Variants in TOP1MT observed in about 807,000 individuals in gnomAD.
TOP1MT encodes DNA topoisomerase I, mitochondrial.
In TOP1MT, 80 loss-of-function variants were observed where a neutral mutation model predicts 73.9. The observed-to-expected ratio is 1.08, with a 90% CI of 0.90 to 1.30. TOP1MT has a LOEUF of 1.30. Among genes scored for constraint, TOP1MT ranks in the 50% most tolerant of loss-of-function variants. TOP1MT has a pLI of 0.00. For synonymous variants in TOP1MT, 338 were observed against 326.4 expected (o/e 1.04, Z -0.38); for missense variants, 815 against 808.0 (o/e 1.01, Z -0.10).
chr8:143,343,597 C>T, intron 1 of TOP1MT: 1 of 248,484 alleles, frequency 4.0e-6, no homozygotes, highest in Non-Finnish European at 8.1e-6. Context: ...TCCCAGGTCC[C>T]CTCTGGGACC....
chr8:143,352,974 T>A (rs993038599), intron 1 of TOP1MT, among the ~76,000 whole-genome samples: 2 of 152,100 alleles, frequency 1.3e-5, no homozygotes, highest in Middle Eastern at 3.4e-3. Context: ...TAAATTGAAC[T>A]CAGGTAAAAG....
chr8:143,330,713 T>A (rs1272511657), intron 2 of TOP1MT, among the ~76,000 whole-genome samples: 3 of 152,048 alleles, frequency 2.0e-5, no homozygotes. Context: ...TCCTGGGCCC[T>A]GGGGTAGAGA....
At chr8:143,313,178 T>C (rs1044477215) in intron 12 of TOP1MT, among the ~76,000 whole-genome samples, 4 of 152,240 alleles carry the variant, frequency 2.6e-5, no homozygotes, top group African/African-American at 9.6e-5. Flanking sequence ...TCTATCTTCA[T>C]GGCCTTGGGT....
In TOP1MT at chr8:143,321,810, TAC is replaced by T. The variant is rs1213693512; in HGVS notation, c.961-426_961-425del. 1.1e-3 allele frequency among the ~76,000 whole-genome samples: 7 copies of T among 6,562 alleles called. 1 individual carries two copies. Among genetic ancestry groups the T allele is most frequent in the East Asian group, 9.3e-3 (1 of 108 alleles). 4.3% of individuals were successfully genotyped at this position (6,562 alleles called of 152,430 possible). ...ACACACGCACGCCACACACGCACGC[TAC>T]ACACACACGCACGCTACACACACAC... On this transcript the variant is annotated intron_variant, in intron 7 of 13. Coordinates refer to ENST00000329245, the MANE Select transcript of TOP1MT (RefSeq NM_052963.3).
At chr8:143,327,637 T>C in intron 3 of TOP1MT, 1 of 276,438 alleles carries the variant, frequency 3.6e-6, no homozygotes, top group South Asian at 3.2e-5. Context: ...TGCTGCTTTG[T>C]GACACTGCCT....
rs572307615 is a variant in TOP1MT at position 143,316,916 on chromosome 8, G to A, written c.1331-790C>T. ...TTCTGCCTCCCTCAGTGGAGGGGGC[G>A]TCTCCTCTCCTGGGGCTCTCACCTG... On this transcript the variant is annotated intron_variant, in intron 10 of 13. Coordinates refer to ENST00000329245, the MANE Select transcript of TOP1MT (RefSeq NM_052963.3). 2.1e-4 allele frequency among the ~76,000 whole-genome samples: 32 copies of A among 152,328 alleles called. No homozygotes were observed. In the East Asian group the frequency reaches 3.9e-3, roughly 18 times the overall value.
At chr8:143,342,328 C>CTGGAGTGCAG (rs1817115590) in intron 2 of TOP1MT, among the ~76,000 whole-genome samples, 3 of 124,470 alleles carry the variant, frequency 2.4e-5, no homozygotes, top group Non-Finnish European at 4.6e-5. Flanking sequence ...CAGAGTCTCG[C>CTGGAGTGCAG]TGTTATTATT....
At chr8:143,315,256 C>G (rs961228798) in intron 12 of TOP1MT, among the ~76,000 whole-genome samples, 6 of 152,226 alleles carry the variant, frequency 3.9e-5, no homozygotes, top group African/African-American at 1.2e-4. Flanking sequence ...AGTCTGCCTT[C>G]ATGTTCCATC....
chr8:143,314,066 T>G (rs2129885726), intron 12 of TOP1MT, among the ~76,000 whole-genome samples: 1 of 152,200 alleles, frequency 6.6e-6, no homozygotes, highest in South Asian at 2.1e-4. Flanking sequence ...CACTGGGCTC[T>G]AATCGACACA....
rs201977682 is a variant in TOP1MT, at chr8:143,324,048, C to G, written c.911G>C (p.Arg304Pro). The G allele has an allele frequency of 1.9e-6, 3 of 1,613,752 alleles. No homozygotes were observed. Among genetic ancestry groups the G allele is most frequent in the African/African-American group, 2.7e-5 (2 of 74,940 alleles). The change falls in exon 7 of 14, where the codon CGG becomes CCG. Residue 304 changes from arginine (R) to proline (P), a missense_variant. Coordinates refer to ENST00000329245, the MANE Select transcript of TOP1MT (RefSeq NM_052963.3). ...RSQYRADWKSREMKTRQRAVA... is the reference protein window; with the variant it reads ...RSQYRADWKSPEMKTRQRAVA... ...CGCCCGCTGTCTCGTCTTCATTTCC[C>G]GAGACTTCCAGTCAGCCCGGTACTG...
At chr8:143,312,983 C>T (rs761475074) in intron 12 of TOP1MT, among the ~76,000 whole-genome samples, 13 of 152,114 alleles carry the variant, frequency 8.5e-5, no homozygotes, top group East Asian at 1.9e-4. Flanking sequence ...GAGGCTGAGG[C>T]GGGAGGATTG....
intron 12 of TOP1MT, among the ~76,000 whole-genome samples, chr8:143,313,608 C>T (rs903672782): frequency 2.0e-5 from 3 of 150,052 alleles, no homozygotes; most frequent in African/African-American, 7.3e-5. Flanking sequence ...AATCCCAGCA[C>T]TTTGGGAGGC....
chr8:143,322,625 G>A (rs1300795266), intron 7 of TOP1MT, among the ~76,000 whole-genome samples: 2 of 66,480 alleles, frequency 3.0e-5, no homozygotes, highest in African/African-American at 5.3e-5. Flanking sequence ...TGCCACACAG[G>A]CACGTCACAC....
intron 1 of TOP1MT, 111 bp downstream of exon 1, chr8:143,334,629 G>GT: frequency 6.8e-7 from 1 of 1,480,528 alleles, no homozygotes; most frequent in Non-Finnish European, 9.0e-7. Context: ...CGACTTTTGG[G>GT]AAAACCGGAA....
chr8:143,328,854 G>T (rs534094994), intron 3 of TOP1MT, among the ~76,000 whole-genome samples: 1 of 152,174 alleles, frequency 6.6e-6, no homozygotes, highest in African/African-American at 2.4e-5. Flanking sequence ...CAGAATCCGC[G>T]GCACACACAT....
intron 7 of TOP1MT, among the ~76,000 whole-genome samples, chr8:143,322,747 GCAC>G (rs1816519621): frequency 1.5e-4 from 1 of 6,572 alleles, no homozygotes; most frequent in African/African-American, 9.5e-4. Context: ...CGCCACACAC[GCAC>G]GCACGCCACA....
Position 143,329,386 on chromosome 8 carries a change from C to G in TOP1MT, c.324G>C (p.Glu108Asp), listed in dbSNP as rs1816790745. ...RMLDHEYTTKEVFRKNFFNDW... is the reference protein window; with the variant it reads ...RMLDHEYTTKDVFRKNFFNDW... The stretch of plus-strand genomic sequence containing the variant: ...CATTGAAGAAGTTCTTCCGGAAAAC[C>G]TCCTTTGTTGTGTATTCATGATCTA... Residue 108 changes from glutamate to aspartate, a missense_variant, in exon 3 of 14, where the codon GAG becomes GAC. Coordinates refer to ENST00000329245, the MANE Select transcript of TOP1MT (RefSeq NM_052963.3). 1 of 1,608,128 alleles carries G rather than the reference C, an allele frequency of 6.2e-7. No individual in the cohort carries two copies. The highest frequency in any genetic ancestry group is 8.5e-7 in the Non-Finnish European group (1 of 1,178,458).
chr8:143,343,497 G>A (rs573478653), intron 1 of TOP1MT: 145 of 328,878 alleles, frequency 4.4e-4, no homozygotes, highest in South Asian at 1.1e-3. Context: ...ACCAGCTGGC[G>A]GTGGGAAGTC....
intron 7 of TOP1MT, among the ~76,000 whole-genome samples, chr8:143,322,355 G>A (rs1214403410): frequency 3.5e-5 from 2 of 57,710 alleles, no homozygotes; most frequent in East Asian, 6.1e-4. Flanking sequence ...CGCCACACAC[G>A]CACGCCACAC....
Sources: allele counts gnomAD v4.1 joint callset (sites outside exome capture counted in the v4.1 genomes callset), GRCh38; gene constraint gnomAD v4.1.1; transcripts MANE v1.5; gene names NCBI Gene and HGNC (gene_info 2026-07-23, HGNC 2026-07-21).